CNTN6: variants seen among roughly 807,000 people sequenced by gnomAD.
CNTN6 encodes contactin 6, also known as contactin-6.
CNTN6 carries 137 observed loss-of-function variants against 122.8 expected under a neutral mutation model. The observed-to-expected ratio is 1.12, with a 90% CI of 0.97 to 1.29. CNTN6 has a LOEUF of 1.29. CNTN6 is among the 50% of genes most tolerant of loss of function. The pLI is 0.00. For synonymous variants in CNTN6, 570 were observed against 426.0 expected (o/e 1.34, Z -4.16); for missense variants, 1,634 against 1,223.4 (o/e 1.34, Z -5.01).
rs547393723 is a variant in CNTN6 at position 1,168,187 on chromosome 3, C to T, written c.55+20124C>T. On this transcript the variant is annotated intron_variant, in intron 2 of 22. Coordinates refer to ENST00000446702, the MANE Select transcript of CNTN6 (RefSeq NM_001289080.2). ...CCTCCCAAAGTGCTGGGACTACAGG[C>T]GTGACACATCGCGCCCGGCCTGGAA... is the stretch of plus-strand genomic sequence containing the variant. Among the ~76,000 whole-genome samples, 5 of 151,930 alleles carry T rather than the reference C, an allele frequency of 3.3e-5. No homozygotes were observed. The South Asian group carries it at 8.3e-4, about 25-fold the overall frequency.
At chr3:1,334,721 C>T (rs542485063) in intron 11 of CNTN6, among the ~76,000 whole-genome samples, 2 of 152,118 alleles carry the variant, frequency 1.3e-5, no homozygotes, top group African/African-American at 2.4e-5. Context: ...ATGAAGGCAC[C>T]GAGCACCATT....
At chr3:1,391,574 G>GAAAT (rs1694151097) in intron 20 of CNTN6, among the ~76,000 whole-genome samples, 1 of 147,294 alleles carries the variant, frequency 6.8e-6, no homozygotes, top group African/African-American at 2.6e-5. Flanking sequence ...GCAGGAGAAG[G>GAAAT]AAATAAAGGG....
intron 2 of CNTN6, among the ~76,000 whole-genome samples, chr3:1,190,915 T>C (rs1575174097): frequency 6.6e-6 from 1 of 152,164 alleles, no homozygotes; most frequent in Admixed American, 6.5e-5. Flanking sequence ...CTCACCACTT[T>C]TCTTGTCTTC....
chr3:1,260,059 T>C (rs566857827), intron 4 of CNTN6, among the ~76,000 whole-genome samples: 2 of 152,090 alleles, frequency 1.3e-5, no homozygotes, highest in African/African-American at 4.8e-5. Context: ...GGAAGAGATA[T>C]CCTTAAGCCA....
intron 4 of CNTN6, among the ~76,000 whole-genome samples, chr3:1,240,291 C>T (rs1268933303): frequency 6.6e-6 from 1 of 151,998 alleles, no homozygotes; most frequent in Admixed American, 6.6e-5. Flanking sequence ...TGACTGATAT[C>T]GAGAATCTAC....
intron 2 of CNTN6, among the ~76,000 whole-genome samples, chr3:1,161,186 G>T (rs1410732672): frequency 1.4e-5 from 2 of 139,840 alleles, no homozygotes; most frequent in Non-Finnish European, 3.1e-5. Context: ...TTTCAGTAAT[G>T]GATATAATTT....
At chr3:1,280,315 T>A (rs1050551162) in intron 5 of CNTN6, among the ~76,000 whole-genome samples, 3 of 152,226 alleles carry the variant, frequency 2.0e-5, no homozygotes, top group African/African-American at 7.2e-5. Context: ...GATCTTTTAG[T>A]GTGTGAGGCC....
intron 2 of CNTN6, among the ~76,000 whole-genome samples, chr3:1,168,831 A>G (rs2093308744): frequency 6.6e-6 from 1 of 152,204 alleles, no homozygotes; most frequent in Non-Finnish European, 1.5e-5. Flanking sequence ...GGGACATTCT[A>G]GAAGCATCTG....
At position 1,236,300 on chromosome 3, in the gene CNTN6, A is replaced by G. The variant is rs532241607; in HGVS notation, c.358+8307A>G. Among the ~76,000 whole-genome samples the G allele has an allele frequency of 2.0e-5, 3 of 152,204 alleles. No homozygotes were observed. The South Asian group carries it at 6.2e-4, about 32-fold the overall frequency. On this transcript the variant is annotated intron_variant, in intron 4 of 22. Transcript: ENST00000446702. ...AACCAACACAAAACCAGCGCTAAAC[A>G]AAAACGCAACCAAGGACCCTCACAG...
intron 7 of CNTN6, among the ~76,000 whole-genome samples, chr3:1,312,533 C>T (rs1699500257): frequency 1.3e-5 from 2 of 151,158 alleles, no homozygotes; most frequent in South Asian, 4.2e-4. Flanking sequence ...GAGCCCATCT[C>T]TAAGCTTCTA....
intron 11 of CNTN6, among the ~76,000 whole-genome samples, chr3:1,333,760 A>G (rs1364824720): frequency 6.6e-6 from 1 of 152,092 alleles, no homozygotes; most frequent in African/African-American, 2.4e-5. Context: ...GGCAGTATAT[A>G]TATTTTGACA....
chr3:1,208,148 G>A (rs1433254641), intron 2 of CNTN6, among the ~76,000 whole-genome samples: 8 of 151,914 alleles, frequency 5.3e-5, no homozygotes, highest in Non-Finnish European at 7.4e-5. Context: ...CCTTCCTCCC[G>A]TGAGTCATGG....
At chr3:1,170,527 G>A (rs180772960) in intron 2 of CNTN6, among the ~76,000 whole-genome samples, 19 of 152,240 alleles carry the variant, frequency 1.2e-4, no homozygotes. Context: ...GATATCCCAG[G>A]AAGATAGAGA....
chr3:1,364,264 A>G (rs1477146132), intron 12 of CNTN6, among the ~76,000 whole-genome samples: 3 of 151,906 alleles, frequency 2.0e-5, no homozygotes, highest in Non-Finnish European at 2.9e-5. Context: ...ATATGAGAGA[A>G]TTTTGTCACC....
intron 4 of CNTN6, among the ~76,000 whole-genome samples, chr3:1,232,837 G>C (rs1429097940): frequency 6.6e-6 from 1 of 152,196 alleles, no homozygotes; most frequent in Non-Finnish European, 1.5e-5. Context: ...AAAGGAAATG[G>C]GGCTTGCATT....
At chr3:1,290,304 T>G (rs2125843050) in intron 5 of CNTN6, among the ~76,000 whole-genome samples, 1 of 152,278 alleles carries the variant, frequency 6.6e-6, no homozygotes, top group South Asian at 2.1e-4. Context: ...ATCTATGAAG[T>G]TCTTAAGAAA....
At chr3:1,209,821 T>C (rs1160025603) in intron 2 of CNTN6, among the ~76,000 whole-genome samples, 1 of 152,150 alleles carries the variant, frequency 6.6e-6, no homozygotes, top group African/African-American at 2.4e-5. Flanking sequence ...CTTTTCTTTA[T>C]TCCTCTATTT....
chr3:1,186,809 T>A (rs2093633315), intron 2 of CNTN6, among the ~76,000 whole-genome samples: 1 of 151,914 alleles, frequency 6.6e-6, no homozygotes. Context: ...CCCATTCTTT[T>A]TATTTTTTTC....
intron 2 of CNTN6, among the ~76,000 whole-genome samples, chr3:1,206,089 C>G (rs1355474246): frequency 6.6e-6 from 1 of 152,080 alleles, no homozygotes; most frequent in Non-Finnish European, 1.5e-5. Context: ...TGCAAGAGTA[C>G]CTAATTGCAG....
Sources: gnomAD v4.1 joint callset for allele counts (sites outside exome capture counted in the v4.1 genomes callset) on GRCh38, gnomAD v4.1.1 for gene constraint, MANE v1.5 for transcripts, NCBI Gene and HGNC (gene_info 2026-07-23, HGNC 2026-07-21) for gene names.